CNTN5: variants seen among roughly 807,000 people sequenced by gnomAD.
CNTN5 encodes the protein contactin 5.
CNTN5 carries 77 observed loss-of-function variants against 129.1 expected under a neutral mutation model. That is an observed-to-expected ratio of 0.60 (90% CI 0.50 to 0.72). The LOEUF is 0.72. Among genes scored for constraint, CNTN5 ranks in the 30% least tolerant of loss-of-function variants. The pLI is 0.00. For missense variants in CNTN5, 1,478 were observed against 1,328.8 expected, an observed-to-expected ratio of 1.11 and a Z score of -1.75; for synonymous variants, 509 against 465.6, an observed-to-expected ratio of 1.09 and a Z score of -1.20.
chr11:99,765,459 A>G (rs995422562), intron 3 of CNTN5, among the ~76,000 whole-genome samples: 1 of 151,910 alleles, frequency 6.6e-6, no homozygotes, highest in Admixed American at 6.6e-5. Context: ...ACTATATTTC[A>G]TAAGTTAATC....
At chr11:99,454,163 A>G (rs1352418947) in intron 2 of CNTN5, among the ~76,000 whole-genome samples, 1 of 152,206 alleles carries the variant, frequency 6.6e-6, no homozygotes, top group African/African-American at 2.4e-5. Flanking sequence ...GAAAAAATAT[A>G]TGAATAGTCA....
intron 3 of CNTN5, among the ~76,000 whole-genome samples, chr11:99,704,601 G>A (rs1225398924): frequency 1.3e-5 from 2 of 150,958 alleles, no homozygotes; most frequent in Non-Finnish European, 3.0e-5. Flanking sequence ...AAGAGAACCC[G>A]ATTTTATCTC....
chr11:99,798,516 A>G (rs1313508245), intron 3 of CNTN5, among the ~76,000 whole-genome samples: 1 of 152,130 alleles, frequency 6.6e-6, no homozygotes, highest in Non-Finnish European at 1.5e-5. Context: ...CATTTTTTGA[A>G]CAGGAGGTCC....
chr11:100,318,417 G>A (rs1951612687), intron 21 of CNTN5, among the ~76,000 whole-genome samples: 1 of 151,916 alleles, frequency 6.6e-6, no homozygotes, highest in African/African-American at 2.4e-5. Flanking sequence ...CACAAGCAGA[G>A]CATCCACGCA....
chr11:100,108,894 A>T (rs1360740944), intron 13 of CNTN5, among the ~76,000 whole-genome samples: 2 of 152,112 alleles, frequency 1.3e-5, no homozygotes, highest in Non-Finnish European at 2.9e-5. Flanking sequence ...AATTTGCAGC[A>T]TATTAGCTCT....
At chr11:99,599,314 A>T (rs541538650) in intron 3 of CNTN5, among the ~76,000 whole-genome samples, 1 of 152,198 alleles carries the variant, frequency 6.6e-6, no homozygotes, top group African/African-American at 2.4e-5. Context: ...TTGCTTATTG[A>T]CACATAGCTT....
intron 1 of CNTN5, among the ~76,000 whole-genome samples, chr11:99,132,697 G>A (rs907862536): frequency 1.3e-5 from 2 of 152,018 alleles, no homozygotes; most frequent in African/African-American, 4.8e-5. Flanking sequence ...CAACTAACAA[G>A]GGAAATGAAG....
chr11:99,641,857 A>G (rs911371212), intron 3 of CNTN5, among the ~76,000 whole-genome samples: 3 of 152,156 alleles, frequency 2.0e-5, no homozygotes, highest in African/African-American at 7.2e-5. Flanking sequence ...ACAATAGCTA[A>G]CATTATTTGT....
intron 2 of CNTN5, among the ~76,000 whole-genome samples, chr11:99,538,479 C>G (rs990279891): frequency 6.6e-6 from 1 of 152,052 alleles, no homozygotes; most frequent in South Asian, 2.1e-4. Context: ...AACACAAAGG[C>G]GTTATTTTTA....
chr11:100,088,918 G>A (rs1301937405), intron 13 of CNTN5, among the ~76,000 whole-genome samples: 2 of 151,608 alleles, frequency 1.3e-5, no homozygotes, highest in African/African-American at 4.8e-5. Flanking sequence ...TCAAAACCTG[G>A]CAAAGATACA....
At chr11:100,139,601 C>T (rs576570681) in intron 13 of CNTN5, among the ~76,000 whole-genome samples, 20 of 152,194 alleles carry the variant, frequency 1.3e-4, no homozygotes, top group Admixed American at 3.3e-4. Flanking sequence ...TGGTGGCTCA[C>T]GCCTGTAATC....
chr11:100,182,460 A>G (rs560893658), intron 13 of CNTN5, among the ~76,000 whole-genome samples: 1 of 152,176 alleles, frequency 6.6e-6, no homozygotes, highest in South Asian at 2.1e-4. Context: ...CCTTACTACC[A>G]TCCAAAGACT....
At chr11:99,208,295 T>C (rs1486624892) in intron 1 of CNTN5, among the ~76,000 whole-genome samples, 1 of 152,138 alleles carries the variant, frequency 6.6e-6, no homozygotes, top group Non-Finnish European at 1.5e-5. Flanking sequence ...AAGGCAGAAA[T>C]TACATTTACA....
chr11:99,759,336 A>G (rs1350990208), intron 3 of CNTN5, among the ~76,000 whole-genome samples: 3 of 151,998 alleles, frequency 2.0e-5, no homozygotes, highest in African/African-American at 7.2e-5. Flanking sequence ...CACAGTACTT[A>G]TTTTCAGCCA....
At chr11:99,088,233 C>T (rs925018126) in intron 1 of CNTN5, among the ~76,000 whole-genome samples, 4 of 152,086 alleles carry the variant, frequency 2.6e-5, no homozygotes, top group African/African-American at 9.7e-5. Context: ...TTTGCATGCA[C>T]CAAAGGTTGA....
intron 6 of CNTN5, among the ~76,000 whole-genome samples, chr11:99,906,521 T>G (rs1949511332): frequency 6.6e-6 from 1 of 152,172 alleles, no homozygotes; most frequent in Admixed American, 6.5e-5. Flanking sequence ...GGATAAGCTT[T>G]TTGATGTGCT....
intron 3 of CNTN5, among the ~76,000 whole-genome samples, chr11:99,674,450 G>T (rs1227867154): frequency 6.6e-6 from 1 of 151,938 alleles, no homozygotes; most frequent in Admixed American, 6.6e-5. Flanking sequence ...GAAGCTCTTT[G>T]CTTTAGTTAG....
At chr11:99,965,267 A>G (rs1409678713) in intron 8 of CNTN5, among the ~76,000 whole-genome samples, 1 of 151,866 alleles carries the variant, frequency 6.6e-6, no homozygotes, top group Non-Finnish European at 1.5e-5. Flanking sequence ...TGCCAATTTT[A>G]GATGTTTCCT....
chr11:100,229,985 G>A (rs977072776), intron 16 of CNTN5, among the ~76,000 whole-genome samples: 1 of 152,098 alleles, frequency 6.6e-6, no homozygotes, highest in Admixed American at 6.5e-5. Context: ...ACAAAATCCA[G>A]TAGTTATGAA....
Sources: allele counts gnomAD v4.1 joint callset (sites outside exome capture counted in the v4.1 genomes callset), GRCh38; gene constraint gnomAD v4.1.1; transcripts MANE v1.5; gene names NCBI Gene and HGNC (gene_info 2026-07-23, HGNC 2026-07-21).